Variants in CTNNA2 observed in about 807,000 individuals in gnomAD.
The protein encoded by CTNNA2 is catenin alpha-2.
A neutral mutation model predicts 101.0 loss-of-function variants in CTNNA2; 42 were observed. That is an observed-to-expected ratio of 0.42 (90% CI 0.32 to 0.54). CTNNA2 has a LOEUF of 0.54. CTNNA2 is among the 20% of genes least tolerant of loss of function. CTNNA2 has a pLI of 0.14. For missense variants in CTNNA2, 871 were observed against 1,223.1 expected, an observed-to-expected ratio of 0.71 and a Z score of 4.29; for synonymous variants, 450 against 456.4, an observed-to-expected ratio of 0.99 and a Z score of 0.18.
At position 80,591,457 on chromosome 2, in the gene CTNNA2, G is replaced by GTTTTTTTTTTTTTTTTTTTTTTTTTT. The variant is rs567131551; in HGVS notation, c.2189+1993_2189+1994insTTTTTTTTTTTTTTTTTTTTTTTTTT. 1.6e-4 allele frequency among the ~76,000 whole-genome samples: 11 copies of GTTTTTTTTTTTTTTTTTTTTTTTTTT among 70,308 alleles called. 1 individual carries two copies. Among genetic ancestry groups the GTTTTTTTTTTTTTTTTTTTTTTTTTT allele is most frequent in the South Asian group, 4.3e-4 (1 of 2,348 alleles). The allele number at this position is 70,308 out of a possible 152,430, so 46.1% of individuals were successfully genotyped here. A position where few individuals can be genotyped will look rare whatever the true frequency, so the allele number is the denominator to read the frequency against. On this transcript the variant is annotated intron_variant, in intron 15 of 18. Transcript: ENST00000402739. ...ATTGCTGCCTCCATCTGCACAGCCT[G>GTTTTTTTTTTTTTTTTTTTTTTTTTT]TTTTTTTTTTTTTTTTTTTTTGCAA...
rs528253826 is a variant in CTNNA2, at chr2:79,318,750, C to A, written c.-318+5954C>A. On this transcript the variant is annotated intron_variant, in intron 3 of 21. Coordinates refer to the CTNNA2 transcript ENST00000466387. Reference sequence around the variant, plus strand: ...TCCTCATTCATTTTATTCTCTACAGCTGCTTTCTTGCTACAACAGAGTGGA... The same window carrying A: ...TCCTCATTCATTTTATTCTCTACAGATGCTTTCTTGCTACAACAGAGTGGA... Among the ~76,000 whole-genome samples the A allele has an allele frequency of 6.4e-4, 97 of 152,348 alleles. 1 individual carries two copies. The highest frequency in any genetic ancestry group is 2.1e-3 in the African/African-American group (89 of 41,580).
chr2:79,706,362 CAAAAAAAAAAAAAA>C (rs34157774), intron 2 of CTNNA2, among the ~76,000 whole-genome samples: 1 of 78,008 alleles, frequency 1.3e-5, no homozygotes, highest in Non-Finnish European at 2.4e-5. Flanking sequence ...GACTCCGTCT[CAAAAAAAAAAAAAA>C]AAAAAAAAAA....
At chr2:80,279,085 T>TGTGTGTGTGTGTGTGTGA (rs1016525099) in intron 7 of CTNNA2, among the ~76,000 whole-genome samples, 1 of 144,498 alleles carries the variant, frequency 6.9e-6, no homozygotes, top group Non-Finnish European at 1.5e-5. Context: ...TGTGTGTGTG[T>TGTGTGTGTGTGTGTGTGA]GAAACAGAGA....
intron 7 of CTNNA2, among the ~76,000 whole-genome samples, chr2:79,925,039 G>C (rs745373309): frequency 6.6e-6 from 1 of 152,042 alleles, no homozygotes; most frequent in Non-Finnish European, 1.5e-5. Flanking sequence ...CCATAGCACA[G>C]TGTTAAAGGA....
intron 7 of CTNNA2, among the ~76,000 whole-genome samples, chr2:80,255,974 T>G (rs1358194220): frequency 6.6e-6 from 1 of 152,154 alleles, no homozygotes; most frequent in Non-Finnish European, 1.5e-5. Flanking sequence ...ATGCGAACTT[T>G]TTAATGCATT....
intron 4 of CTNNA2, among the ~76,000 whole-genome samples, chr2:79,464,452 A>G (rs1670912347): frequency 6.6e-6 from 1 of 152,192 alleles, no homozygotes; most frequent in Non-Finnish European, 1.5e-5. Context: ...ATACGTGGGC[A>G]TGTATCTTTA....
intron 7 of CTNNA2, among the ~76,000 whole-genome samples, chr2:80,075,426 T>C (rs1162025803): frequency 6.6e-6 from 1 of 151,776 alleles, no homozygotes; most frequent in Non-Finnish European, 1.5e-5. Context: ...CATTGCAAAA[T>C]AAGGTGATAA....
At chr2:80,547,011 G>T (rs1414785854) in intron 11 of CTNNA2, among the ~76,000 whole-genome samples, 1 of 152,216 alleles carries the variant, frequency 6.6e-6, no homozygotes, top group Non-Finnish European at 1.5e-5. Context: ...AGGGCTGAGG[G>T]AGACATTGCA....
chr2:79,362,188 C>A (rs1422564520), intron 3 of CTNNA2, among the ~76,000 whole-genome samples: 2 of 152,260 alleles, frequency 1.3e-5, no homozygotes, highest in Admixed American at 1.3e-4. Flanking sequence ...TTAATAGAAC[C>A]CATGGTCTTG....
intron 2 of CTNNA2, among the ~76,000 whole-genome samples, chr2:79,239,378 T>G (rs1331793458): frequency 6.6e-6 from 1 of 152,116 alleles, no homozygotes; most frequent in African/African-American, 2.4e-5. Context: ...GATTTCGTAT[T>G]TAATAAATGG....
At chr2:80,379,521 G>C (rs912764755) in intron 7 of CTNNA2, among the ~76,000 whole-genome samples, 2 of 151,954 alleles carry the variant, frequency 1.3e-5, no homozygotes, top group Non-Finnish European at 2.9e-5. Flanking sequence ...TAATTCACTG[G>C]GAATTAAGCA....
rs540262298 is a variant in CTNNA2 at position 80,405,118 on chromosome 2, C to G, written c.1137+11827C>G. On this transcript the variant is annotated intron_variant, in intron 8 of 18. Transcript: ENST00000402739. ...AACTGAAATAATCAGCCATCTTGATCATCTGATCTATTACTCCTGTTTGTA... is the reference window on the plus strand; with the variant it reads ...AACTGAAATAATCAGCCATCTTGATGATCTGATCTATTACTCCTGTTTGTA... 1.6e-3 allele frequency among the ~76,000 whole-genome samples: 250 copies of G among 152,288 alleles called. 1 individual carries two copies. The highest frequency in any genetic ancestry group is 6.8e-3 in the Admixed American group (104 of 15,290).
chr2:79,739,509 A>G (rs1375923901), intron 2 of CTNNA2, among the ~76,000 whole-genome samples: 1 of 152,236 alleles, frequency 6.6e-6, no homozygotes, highest in Non-Finnish European at 1.5e-5. Flanking sequence ...TCACTGAAAG[A>G]AAACAGCTTA....
At chr2:79,621,475 A>G (rs965202154) in intron 1 of CTNNA2, among the ~76,000 whole-genome samples, 1 of 152,220 alleles carries the variant, frequency 6.6e-6, no homozygotes, top group Non-Finnish European at 1.5e-5. Context: ...AAAAGTGTCA[A>G]TTGCGAAATC....
intron 9 of CTNNA2, among the ~76,000 whole-genome samples, chr2:80,438,505 T>A (rs1289875043): frequency 6.6e-6 from 1 of 152,198 alleles, no homozygotes; most frequent in Admixed American, 6.5e-5. Flanking sequence ...CATTTAATTT[T>A]TACTCATTAT....
chr2:79,830,821 A>G (rs1020292896), intron 3 of CTNNA2, among the ~76,000 whole-genome samples: 6 of 152,340 alleles, frequency 3.9e-5, no homozygotes, highest in South Asian at 2.1e-4. Context: ...CTATTAGCAT[A>G]TACTGACACT....
At chr2:80,354,308 T>C (rs1436198823) in intron 7 of CTNNA2, among the ~76,000 whole-genome samples, 3 of 152,128 alleles carry the variant, frequency 2.0e-5, no homozygotes, top group Admixed American at 6.6e-5. Flanking sequence ...AAGATGGGAA[T>C]ATACTACAGA....
chr2:80,300,268 G>A (rs1403157186), intron 7 of CTNNA2, among the ~76,000 whole-genome samples: 2 of 146,816 alleles, frequency 1.4e-5, no homozygotes, highest in African/African-American at 2.5e-5. Context: ...GGAAAAATGA[G>A]CTGGGGTGTT....
chr2:80,572,472 C>T (rs59624319), intron 12 of CTNNA2, among the ~76,000 whole-genome samples: 1,899 of 152,262 alleles, frequency 0.012, 49 homozygotes, highest in African/African-American at 0.04. Context: ...AGAACTATAA[C>T]ATCACTGATG....
Sources: allele counts gnomAD v4.1 joint callset (sites outside exome capture counted in the v4.1 genomes callset), GRCh38; gene constraint gnomAD v4.1.1; transcripts MANE v1.5; gene names NCBI Gene and HGNC (gene_info 2026-07-23, HGNC 2026-07-21).